TNKS: variants seen among roughly 807,000 people sequenced by gnomAD.
The protein encoded by TNKS is tankyrase.
In TNKS, 72 loss-of-function variants were observed where a neutral mutation model predicts 135.8. That is an observed-to-expected ratio of 0.53 (90% CI 0.44 to 0.64). The LOEUF is 0.64. Ranked by LOEUF, TNKS falls within the 30% of genes least tolerant of loss-of-function variation. TNKS has a pLI of 0.00. For missense variants in TNKS, 1,769 were observed against 1,674.0 expected (o/e 1.06, Z -0.99); for synonymous variants, 849 against 649.3 (o/e 1.31, Z -4.68).
chr8:9,569,182 G>A (rs67706102), intron 1 of TNKS, among the ~76,000 whole-genome samples: 37,632 of 152,000 alleles, frequency 0.25, 4,856 homozygotes, highest in East Asian at 0.4. Context: ...AACAAATACC[G>A]TTTGGTTTCC....
intron 2 of TNKS, among the ~76,000 whole-genome samples, chr8:9,608,575 G>T (rs1159483294): frequency 6.6e-6 from 1 of 152,052 alleles, no homozygotes; most frequent in Non-Finnish European, 1.5e-5. Flanking sequence ...TAAGCCTCAG[G>T]GGTTTTGTCC....
intron 1 of TNKS, among the ~76,000 whole-genome samples, chr8:9,567,925 A>G (rs1453875166): frequency 6.6e-6 from 1 of 151,990 alleles, no homozygotes; most frequent in African/African-American, 2.4e-5. Context: ...TATTATGTGT[A>G]TTTTACCACA....
intron 3 of TNKS, among the ~76,000 whole-genome samples, chr8:9,643,412 A>G (rs1389826385): frequency 4.2e-5 from 5 of 120,018 alleles, no homozygotes; most frequent in African/African-American, 1.6e-4. Context: ...TAAGAAGCTC[A>G]CTATCGTGAT....
intron 3 of TNKS, among the ~76,000 whole-genome samples, chr8:9,628,496 C>A (rs578137772): frequency 2.0e-5 from 3 of 151,970 alleles, no homozygotes; most frequent in Non-Finnish European, 4.4e-5. Flanking sequence ...TAATGACTTG[C>A]AAGGTACAAA....
intron 2 of TNKS, among the ~76,000 whole-genome samples, chr8:9,584,192 G>T (rs1369800365): frequency 6.6e-6 from 1 of 150,962 alleles, no homozygotes; most frequent in East Asian, 2.0e-4. Flanking sequence ...AAAAAAATCT[G>T]GGAGTCACAA....
chr8:9,576,076 C>T (rs758925893), intron 1 of TNKS, among the ~76,000 whole-genome samples: 21 of 152,128 alleles, frequency 1.4e-4, no homozygotes, highest in Non-Finnish European at 2.9e-4. Context: ...CTAGATTTTC[C>T]CATCTGTCCT....
chr8:9,618,835 G>C (rs1317810227), intron 3 of TNKS, among the ~76,000 whole-genome samples: 1 of 152,158 alleles, frequency 6.6e-6, no homozygotes, highest in African/African-American at 2.4e-5. Context: ...TCTTCTGTGA[G>C]CATCCCACTG....
At chr8:9,575,140 A>G (rs760984151) in intron 1 of TNKS, 9 of 892,710 alleles carry the variant, frequency 1.0e-5, no homozygotes, top group Non-Finnish European at 1.2e-5. Flanking sequence ...AGGCTGGAGT[A>G]TAGGGGCGCG....
chr8:9,723,153 G>GTT (rs1169745386), intron 12 of TNKS, among the ~76,000 whole-genome samples: 4 of 73,472 alleles, frequency 5.4e-5, no homozygotes, highest in Non-Finnish European at 1.3e-4. Context: ...CCCTCCAAAA[G>GTT]GTTTTTTTTT....
chr8:9,775,618 G>A (rs893534889), intron 26 of TNKS, among the ~76,000 whole-genome samples: 5 of 150,478 alleles, frequency 3.3e-5, no homozygotes, highest in Admixed American at 2.0e-4. Context: ...AACAATAATA[G>A]ATCCTTACTA....
intron 12 of TNKS, among the ~76,000 whole-genome samples, chr8:9,721,422 G>C (rs572256819): frequency 2.8e-4 from 42 of 151,530 alleles, no homozygotes; most frequent in Admixed American, 5.9e-4. Context: ...CCCAAAACTA[G>C]AGGAAGTAAT....
At chr8:9,682,723 G>C (rs1802832973) in intron 5 of TNKS, among the ~76,000 whole-genome samples, 1 of 151,990 alleles carries the variant, frequency 6.6e-6, no homozygotes, top group African/African-American at 2.4e-5. Flanking sequence ...TATCCTCTGA[G>C]TGAGAAAAAC....
chr8:9,746,136 C>T (rs1339011677), intron 17 of TNKS, among the ~76,000 whole-genome samples: 3 of 152,086 alleles, frequency 2.0e-5, no homozygotes, highest in African/African-American at 7.2e-5. Context: ...TCCAAACTGA[C>T]CAAGTTATGC....
chr8:9,569,340 T>C (rs916524657), intron 1 of TNKS, among the ~76,000 whole-genome samples: 2 of 152,314 alleles, frequency 1.3e-5, no homozygotes, highest in South Asian at 4.1e-4. Context: ...CCTGGGTAAC[T>C]AGTGCCCTGC....
At chr8:9,772,376 C>T in intron 26 of TNKS, 1 of 455,484 alleles carries the variant, frequency 2.2e-6, no homozygotes, top group South Asian at 1.5e-5. Context: ...TAGGTGGATA[C>T]TCTAAAGGCA....
intron 3 of TNKS, among the ~76,000 whole-genome samples, chr8:9,650,801 GC>G (rs1050733534): frequency 6.6e-6 from 1 of 152,114 alleles, no homozygotes; most frequent in African/African-American, 2.4e-5. Flanking sequence ...CTTTTGCTGT[GC>G]AGAAGATTTT....
chr8:9,579,070 C>T (rs4841174), intron 1 of TNKS, among the ~76,000 whole-genome samples: 40,757 of 152,002 alleles, frequency 0.27, 5,729 homozygotes, highest in East Asian at 0.38. Context: ...TATTTCTTAC[C>T]TTTCTAAGTG....
At chr8:9,724,228 T>C (rs1805046641) in intron 12 of TNKS, among the ~76,000 whole-genome samples, 1 of 152,138 alleles carries the variant, frequency 6.6e-6, no homozygotes, top group African/African-American at 2.4e-5. Context: ...GGTGGGAGGA[T>C]TGCTTGAGCT....
intron 5 of TNKS, among the ~76,000 whole-genome samples, chr8:9,692,914 G>A (rs1213038224): frequency 1.3e-5 from 2 of 152,012 alleles, no homozygotes; most frequent in African/African-American, 4.8e-5. Context: ...TGCCTATATC[G>A]ATTCTCTAGC....
Sources: gnomAD v4.1 joint callset for allele counts (sites outside exome capture counted in the v4.1 genomes callset) on GRCh38, gnomAD v4.1.1 for gene constraint, MANE v1.5 for transcripts, NCBI Gene and HGNC (gene_info 2026-07-23, HGNC 2026-07-21) for gene names.